RPS19: variants seen among roughly 807,000 people sequenced by gnomAD.
RPS19 encodes ribosomal protein S19.
RPS19 carries 1 observed loss-of-function variant against 20.3 expected under a neutral mutation model. The observed-to-expected ratio is 0.05, with a 90% confidence interval of 0.02 to 0.23. RPS19 has a LOEUF of 0.23. Ranked by LOEUF, RPS19 falls within the 10% of genes least tolerant of loss-of-function variation. The pLI, the probability that RPS19 is intolerant of heterozygous loss-of-function variation, is 1.00. For synonymous variants in RPS19, 87 were observed against 74.8 expected, an observed-to-expected ratio of 1.16 and a Z score of -0.84; for missense variants, 111 against 192.7, an observed-to-expected ratio of 0.58 and a Z score of 2.51.
intron 3 of RPS19, among the ~76,000 whole-genome samples, chr19:41,862,336 C>G (rs1032871158): frequency 1.5e-4 from 23 of 152,184 alleles, no homozygotes; most frequent in African/African-American, 4.6e-4. Context: ...CCTCTGAGGA[C>G]TGAAAGATGA....
In RPS19 at chr19:41,872,759, G is replaced by C. The variant is rs1402606634; in HGVS notation, c.*1382G>C. ...AAAATACCAAAATTAGTTGGGCATG[G>C]TGGCGCGCACCTGTAATCCCAGCTA... On this transcript the variant is annotated 3_prime_UTR_variant, in exon 6 of 6. Coordinates refer to ENST00000598742, the MANE Select transcript of RPS19 (RefSeq NM_001022.4). 6.6e-6 allele frequency: 1 copy of C among 152,210 alleles called. No homozygotes were observed. The highest frequency in any genetic ancestry group is 2.4e-5 in the African/African-American group (1 of 41,432). The allele number at this position is 152,210 out of a possible 1,614,324, so 9.4% of individuals were successfully genotyped here.
At chr19:41,861,325 T>A in intron 3 of RPS19, 113 bp downstream of exon 3, 1 of 782,298 alleles carries the variant, frequency 1.3e-6, no homozygotes, top group Non-Finnish European at 2.2e-6. Context: ...AGAGAAACCC[T>A]TGGTTGTGTC....
Position 41,869,019 on chromosome 19 carries a change from C to A in RPS19, c.173-12C>A. The A allele has an allele frequency of 6.2e-7, 1 of 1,613,348 alleles. No individual in the cohort carries two copies. Among genetic ancestry groups the A allele is most frequent in the Non-Finnish European group, 8.5e-7 (1 of 1,179,688 alleles). On this transcript the variant is annotated splice_polypyrimidine_tract_variant and intron_variant, in intron 3 of 5. Transcript: ENST00000598742. ...TCAAGACCCTTAAATCTCCCTCTCA[C>A]ACTACCCCCAGCTTCCACAGCGCGG... is the stretch of plus-strand genomic sequence containing the variant.
chr19:41,862,616 G>A (rs1914221619), intron 3 of RPS19, among the ~76,000 whole-genome samples: 1 of 150,694 alleles, frequency 6.6e-6, no homozygotes, highest in Non-Finnish European at 1.5e-5. Flanking sequence ...TCCAAAGTAG[G>A]ACTGTATGTG....
chr19:41,865,614 G>A (rs2074077242), intron 3 of RPS19, among the ~76,000 whole-genome samples: 1 of 152,082 alleles, frequency 6.6e-6, no homozygotes, highest in African/African-American at 2.4e-5. Flanking sequence ...GCCGCTTTGG[G>A]CATCTCTGCG....
intron 3 of RPS19, among the ~76,000 whole-genome samples, chr19:41,863,009 A>G (rs139520418): frequency 2.0e-5 from 3 of 152,210 alleles, no homozygotes; most frequent in South Asian, 4.1e-4. Flanking sequence ...AGCCTGAAAT[A>G]TTTCCTACCT....
At chr19:41,861,588 C>T in intron 3 of RPS19, 1 of 348,846 alleles carries the variant, frequency 2.9e-6, no homozygotes, top group South Asian at 2.4e-5. Flanking sequence ...CCTGTGCACT[C>T]TCTCATCCCC....
At chr19:41,860,562 C>T (rs1204479635) in intron 1 of RPS19, 2 of 608,884 alleles carry the variant, frequency 3.3e-6, no homozygotes, top group Admixed American at 2.6e-5. Flanking sequence ...ACGCAGGGGC[C>T]GGGCTCTGTT....
chr19:41,870,939 T>C (rs1555841863), intron 5 of RPS19, among the ~76,000 whole-genome samples: 1 of 133,958 alleles, frequency 7.5e-6, no homozygotes, highest in African/African-American at 2.8e-5. Flanking sequence ...GTCAGCTCAC[T>C]GCAACCTCTG....
chr19:41,861,477 C>T (rs1600609535), intron 3 of RPS19: 6 of 496,852 alleles, frequency 1.2e-5, no homozygotes, highest in Non-Finnish European at 1.8e-5. Context: ...ATTTTGCTTA[C>T]AGGTGGTTTA....
At chr19:41,867,417 C>T (rs994576769) in intron 3 of RPS19, among the ~76,000 whole-genome samples, 3 of 152,174 alleles carry the variant, frequency 2.0e-5, no homozygotes, top group Admixed American at 1.3e-4. Flanking sequence ...GATTCTCCTG[C>T]CCTGCCTCAG....
chr19:41,861,541 A>G (rs2074032278), intron 3 of RPS19: 1 of 379,244 alleles, frequency 2.6e-6, no homozygotes, highest in Non-Finnish European at 5.0e-6. Context: ...CATCTTTTAC[A>G]TCTGGCTGTG....
rs368603787 is a variant in RPS19, at chr19:41,861,107, C to G, written c.72-5C>G. ...ATCGTGCTTTTCCCACTGTTTTGGT[C>G]TTAGGTCCGGGAAGCTGAAAGTCCC... On this transcript the variant is annotated splice_region_variant and splice_polypyrimidine_tract_variant and intron_variant, in intron 2 of 5. Transcript: ENST00000598742. 2 of 1,612,822 alleles carry G rather than the reference C, an allele frequency of 1.2e-6. No homozygotes were observed. The highest frequency in any genetic ancestry group is 2.2e-5 in the South Asian group (2 of 91,052).
intron 3 of RPS19, among the ~76,000 whole-genome samples, chr19:41,863,505 GC>G (rs542856847): frequency 2.8e-4 from 43 of 152,276 alleles, no homozygotes; most frequent in African/African-American, 1.0e-3. Flanking sequence ...TAAGAGTCTG[GC>G]CTATTTTGCC....
At position 41,861,148 on chromosome 19, in the gene RPS19, C is replaced by G. The variant is rs782145302; in HGVS notation, c.108C>G (p.Thr36=). 6.8e-6 allele frequency: 11 copies of G among 1,613,992 alleles called. No individual in the cohort carries two copies. The highest frequency in any genetic ancestry group is 1.3e-5 in the African/African-American group (1 of 74,926). Residue 36 remains threonine (T), a synonymous_variant, in exon 3 of 6, where the codon ACC becomes ACG. Coordinates refer to ENST00000598742, the MANE Select transcript of RPS19 (RefSeq NM_001022.4). ...TGAAAGTCCCCGAATGGGTGGATAC[C>G]GTCAAGCTGGCCAAGCACAAAGAGC... The part of the protein sequence containing the change: ...GKLKVPEWVD[T]VKLAKHKELA...
rs2074117800 is a variant in RPS19 at position 41,869,068 on chromosome 19, T to TGGGGTTGGCTCC, written c.211_222dup (p.Gly71_Ser74dup). On this transcript the variant is annotated inframe_insertion, in exon 4 of 6. Coordinates refer to ENST00000598742, the MANE Select transcript of RPS19 (RefSeq NM_001022.4). ...GGCACCTGTACCTCCGGGGTGGCGC[T>TGGGGTTGGCTCC]GGGGTTGGCTCCATGACCAAGATCT... 1 of 1,613,518 alleles carries TGGGGTTGGCTCC rather than the reference T, an allele frequency of 6.2e-7. No homozygotes were observed. The highest frequency in any genetic ancestry group is 8.5e-7 in the Non-Finnish European group (1 of 1,179,844).
chr19:41,860,534 G>A (rs2074016776), intron 1 of RPS19: 3 of 563,516 alleles, frequency 5.3e-6, no homozygotes, highest in East Asian at 3.0e-5. Flanking sequence ...GGGGAGTGGG[G>A]TCGCGCAGGA....
intron 3 of RPS19, among the ~76,000 whole-genome samples, chr19:41,868,530 G>T (rs2074112011): frequency 1.3e-5 from 2 of 152,182 alleles, no homozygotes; most frequent in Non-Finnish European, 2.9e-5. Context: ...AGGCTGGCTG[G>T]GGTGGACCAG....
At chr19:41,869,883 G>A (rs1600623001) in intron 5 of RPS19, 130 bp downstream of exon 5, 1 of 909,218 alleles carries the variant, frequency 1.1e-6, no homozygotes, top group Non-Finnish European at 1.8e-6. Flanking sequence ...TGGGGTCAGA[G>A]GAGGGCTGCC....
Sources: gnomAD v4.1 joint callset for allele counts (sites outside exome capture counted in the v4.1 genomes callset) on GRCh38, gnomAD v4.1.1 for gene constraint, MANE v1.5 for transcripts, NCBI Gene and HGNC (gene_info 2026-07-23, HGNC 2026-07-21) for gene names.